Variants in POC5 observed in about 807,000 individuals in gnomAD.
POC5 encodes POC5 centriolar protein, also known as centrosomal protein POC5.
A neutral mutation model predicts 62.9 loss-of-function variants in POC5; 48 were observed. The observed-to-expected ratio is 0.76, with a 90% confidence interval of 0.61 to 0.97. The LOEUF (loss-of-function observed/expected upper bound fraction) is 0.97. POC5 is among the 50% of genes least tolerant of loss of function. The pLI is 0.00. For missense variants in POC5, 696 were observed against 679.5 expected (o/e 1.02, Z -0.27); for synonymous variants, 236 against 228.2 (o/e 1.03, Z -0.31).
At chr5:75,695,881 G>A (rs1035442859) in intron 5 of POC5, among the ~76,000 whole-genome samples, 6 of 152,166 alleles carry the variant, frequency 3.9e-5, no homozygotes, top group East Asian at 1.9e-4. Flanking sequence ...GAAGCAGGGC[G>A]AGGCATTGCC....
rs554177738 is a variant in POC5 at position 75,714,425 on chromosome 5, A to C, written c.-14-1474T>G. Among the ~76,000 whole-genome samples the C allele has an allele frequency of 2.8e-4, 43 of 152,332 alleles. 1 individual carries two copies. In the South Asian group the frequency reaches 8.3e-3, roughly 29 times the overall value. On this transcript the variant is annotated intron_variant, in intron 1 of 11. Transcript: ENST00000428202. ...AATTGAGAGCTGACTGCAGTAGTCTAAGAGATAAATGTTCTCTTTGATAGT... is the reference window on the plus strand; with the variant it reads ...AATTGAGAGCTGACTGCAGTAGTCTCAGAGATAAATGTTCTCTTTGATAGT...
chr5:75,714,372 C>T (rs1351906614), intron 1 of POC5, among the ~76,000 whole-genome samples: 4 of 150,848 alleles, frequency 2.7e-5, no homozygotes, highest in African/African-American at 4.9e-5. Context: ...ACAGAGACTC[C>T]GTCTCAAAAA....
At chr5:75,682,620 A>G (rs1019438476) in intron 10 of POC5, among the ~76,000 whole-genome samples, 1 of 148,580 alleles carries the variant, frequency 6.7e-6, no homozygotes, top group East Asian at 2.0e-4. Flanking sequence ...GGTTCAAGTG[A>G]TTCTTCCACC....
intron 10 of POC5, 85 bp downstream of exon 10, chr5:75,685,122 C>T (rs996087001): frequency 1.3e-4 from 178 of 1,412,456 alleles, no homozygotes; most frequent in Non-Finnish European, 1.6e-4. Context: ...CTGCCTCGGC[C>T]TCCCAAAGTG....
At position 75,694,828 on chromosome 5, in the gene POC5, T is replaced by A; in HGVS notation, c.517A>T (p.Asn173Tyr). 2 of 1,514,908 alleles carry A rather than the reference T, an allele frequency of 1.3e-6. No individual in the cohort carries two copies. The highest frequency in any genetic ancestry group is 2.4e-5 in the South Asian group (2 of 81,938). 93.8% of individuals were successfully genotyped at this position (1,514,908 alleles called of 1,614,324 possible). A position where few individuals can be genotyped will look rare whatever the true frequency, so the allele number is the denominator to read the frequency against. Residue 173 changes from asparagine (N) to tyrosine (Y), a missense_variant, in exon 6 of 12, where the codon AAC (asparagine) becomes TAC (tyrosine). Asn to Tyr is a moderately radical substitution (Grantham distance 143). Transcript: ENST00000428202. ...LDLWSSGLKT[N>Y]IISELSKWRL... Reference sequence around the variant, plus strand: ...CATTTACTTAGTTCAGATATGATGTTTGTCTGAAAAATTAATATAGTGACA... The same window carrying A: ...CATTTACTTAGTTCAGATATGATGTATGTCTGAAAAATTAATATAGTGACA...
intron 9 of POC5, 109 bp downstream of exon 9, chr5:75,688,903 A>G: frequency 1.8e-6 from 2 of 1,093,708 alleles, no homozygotes; most frequent in Non-Finnish European, 2.4e-6. Flanking sequence ...CAGCACCTGG[A>G]TGAAACATAC....
chr5:75,694,721 A>C lies in POC5; in HGVS notation c.624T>G (p.Cys208Trp). The change falls in exon 6 of 12, where the codon TGT becomes TGG. Residue 208 changes from cysteine to tryptophan, a missense_variant. Coordinates refer to ENST00000428202, the MANE Select transcript of POC5 (RefSeq NM_001099271.2). ...EKHAAHLKQL[C>W]NQINELKELQ... ...GCTCCTTCAATTCATTGATCTGATT[A>C]CACAGTTGTTTTAAATGTGCTGCAT... 6.2e-7 allele frequency: 1 copy of C among 1,605,840 alleles called. No individual in the cohort carries two copies. Among genetic ancestry groups the C allele is most frequent in the Non-Finnish European group, 8.5e-7 (1 of 1,175,026 alleles).
Position 75,717,345 on chromosome 5 carries a change from G to C in POC5, c.-54C>G, listed in dbSNP as rs940266922. 6.6e-6 allele frequency: 1 copy of C among 152,254 alleles called. No homozygotes were observed. Among genetic ancestry groups the C allele is most frequent in the African/African-American group, 2.4e-5 (1 of 41,462 alleles). The allele number at this position is 152,254 out of a possible 1,614,324, so 9.4% of individuals were successfully genotyped here. A position where few individuals can be genotyped will look rare whatever the true frequency, so the allele number is the denominator to read the frequency against. On this transcript the variant is annotated 5_prime_UTR_variant, in exon 1 of 12. Transcript: ENST00000428202. Reference sequence around the variant, plus strand: ...ACCAAATCCCGACTCCTCGCTCTGCGCCTCTTAGCCGCGTCGCAGCTGCAG... The same window carrying C: ...ACCAAATCCCGACTCCTCGCTCTGCCCCTCTTAGCCGCGTCGCAGCTGCAG...
At chr5:75,713,562 A>G (rs1777435094) in intron 1 of POC5, among the ~76,000 whole-genome samples, 1 of 152,256 alleles carries the variant, frequency 6.6e-6, no homozygotes. Context: ...AGGAGTTTAC[A>G]ATCTGTAGAG....
intron 2 of POC5, 35 bp from the exon 3 acceptor site, chr5:75,707,910 C>G: frequency 4.6e-6 from 7 of 1,517,652 alleles, no homozygotes; most frequent in Non-Finnish European, 6.3e-6. Context: ...TGTAGTGTAA[C>G]AGTTACAATG....
rs1248374421 is a variant in POC5, at chr5:75,685,488, T to A, written c.1130-4A>T. 6.2e-7 allele frequency: 1 copy of A among 1,601,594 alleles called. No homozygotes were observed. The highest frequency in any genetic ancestry group is 1.3e-5 in the African/African-American group (1 of 74,588). ...TTATTATTTGTGGAGTCTATCCCTA[T>A]AAATCACAAATTAATTCCATTCAAA... On this transcript the variant is annotated splice_polypyrimidine_tract_variant and splice_region_variant and intron_variant, in intron 9 of 11. Transcript: ENST00000428202.
rs146386463 is a variant in POC5, at chr5:75,692,435, G to A, written c.756C>T (p.Phe252=). The change falls in exon 7 of 12, where the codon TTC becomes TTT. Residue 252 remains phenylalanine (F), a synonymous_variant. Transcript: ENST00000428202. ...QKEKIELMRT[F]FHWRIGHVRA... ...TGACATGGCCGATTCGCCAGTGGAA[G>A]AATGTTCTCATCAACTCTATCTTTT... The A allele has an allele frequency of 6.3e-7, 1 of 1,596,258 alleles. No individual in the cohort carries two copies. Among genetic ancestry groups the A allele is most frequent in the Non-Finnish European group, 8.5e-7 (1 of 1,170,784 alleles).
At position 75,674,417 on chromosome 5, in the gene POC5, A is replaced by C; in HGVS notation, c.*18T>G. 6.2e-7 allele frequency: 1 copy of C among 1,612,794 alleles called. No individual in the cohort carries two copies. Among genetic ancestry groups the C allele is most frequent in the Non-Finnish European group, 8.5e-7 (1 of 1,179,104 alleles). On this transcript the variant is annotated 3_prime_UTR_variant, in exon 12 of 12. Coordinates refer to ENST00000428202, the MANE Select transcript of POC5 (RefSeq NM_001099271.2). ...AAGACCAGAGGGATTAAAAGACCCC[A>C]CTATGGACATATTCACTTTAGTCAA...
intron 4 of POC5, among the ~76,000 whole-genome samples, chr5:75,704,880 C>T (rs1044399231): frequency 6.6e-6 from 1 of 152,160 alleles, no homozygotes; most frequent in Admixed American, 6.5e-5. Flanking sequence ...AGAAAAAAGT[C>T]TCAGTCCAGT....
rs755019438 is a variant in POC5 at position 75,689,167 on chromosome 5, T to C, written c.976-2A>G. On this transcript the variant is annotated splice_acceptor_variant, in intron 8 of 11. Coordinates refer to ENST00000428202, the MANE Select transcript of POC5 (RefSeq NM_001099271.2). LOFTEE classifies it high-confidence loss of function. ...TGCATTTTCCAAAGCTCCAGATAAC[T>C]AAAATAAGAATGTTTAAAAAGCAAA... 2 of 1,529,546 alleles carry C rather than the reference T, an allele frequency of 1.3e-6. No homozygotes were observed. Among genetic ancestry groups the C allele is most frequent in the African/African-American group, 2.8e-5 (2 of 72,118 alleles). The allele number at this position is 1,529,546 out of a possible 1,614,324, so 94.7% of individuals were successfully genotyped here.
intron 6 of POC5, among the ~76,000 whole-genome samples, chr5:75,693,948 T>G (rs940282986): frequency 1.3e-5 from 2 of 152,190 alleles, no homozygotes; most frequent in Admixed American, 6.5e-5. Flanking sequence ...TAAAAGATGT[T>G]TTCTGTGTTT....
At chr5:75,709,467 A>G (rs1777254457) in intron 2 of POC5, 1 of 151,374 alleles carries the variant, frequency 6.6e-6, no homozygotes, top group Admixed American at 6.6e-5. Flanking sequence ...AACTTTTTTT[A>G]TATTATAAAA....
chr5:75,693,117 TTA>T (rs1274946739), intron 6 of POC5, among the ~76,000 whole-genome samples: 6 of 147,974 alleles, frequency 4.1e-5, no homozygotes, highest in East Asian at 3.9e-4. Context: ...ACATAAAATG[TTA>T]TATATATAAG....
chr5:75,696,998 T>G (rs556634973), intron 5 of POC5, among the ~76,000 whole-genome samples: 2 of 151,406 alleles, frequency 1.3e-5, no homozygotes, highest in African/African-American at 4.8e-5. Flanking sequence ...GAAGGGAAGT[T>G]TAGAGAAAAA....
Sources: gnomAD v4.1 joint callset for allele counts (sites outside exome capture counted in the v4.1 genomes callset) on GRCh38, gnomAD v4.1.1 for gene constraint, MANE v1.5 for transcripts, NCBI Gene and HGNC (gene_info 2026-07-23, HGNC 2026-07-21) for gene names.